TMTC2: variants seen among roughly 807,000 people sequenced by gnomAD.
The protein encoded by TMTC2 is protein O-mannosyl-transferase TMTC2.
TMTC2 carries 43 observed loss-of-function variants against 82.4 expected under a neutral mutation model. The ratio of observed to expected loss-of-function variants is 0.52; its 90% confidence interval spans 0.41 to 0.67. The LOEUF (loss-of-function observed/expected upper bound fraction) is 0.67, where lower values mean the gene tolerates loss of function less well. Ranked by LOEUF, TMTC2 falls within the 30% of genes least tolerant of loss-of-function variation. TMTC2 has a pLI of 0.00. For synonymous variants in TMTC2, 408 were observed against 381.9 expected (o/e 1.07, Z -0.80); for missense variants, 919 against 1,012.4 (o/e 0.91, Z 1.25).
chr12:82,911,989 G>A (rs149261762), intron 3 of TMTC2, among the ~76,000 whole-genome samples: 656 of 152,224 alleles, frequency 4.3e-3, no homozygotes, highest in Admixed American at 7.8e-3. Flanking sequence ...GAACTGTATT[G>A]GAGGTTTTAT....
At chr12:82,846,001 C>T (rs1366326674) in intron 1 of TMTC2, among the ~76,000 whole-genome samples, 4 of 147,264 alleles carry the variant, frequency 2.7e-5, no homozygotes, top group African/African-American at 7.5e-5. Flanking sequence ...ATTGCTTTAT[C>T]GGGGGAACTA....
chr12:82,811,037 C>A (rs1027734689), intron 1 of TMTC2, among the ~76,000 whole-genome samples: 1 of 152,004 alleles, frequency 6.6e-6, no homozygotes, highest in Admixed American at 6.6e-5. Flanking sequence ...CGAGACCATC[C>A]TGGCTAACAC....
chr12:82,815,293 TTTAATTAA>T (rs199636738), intron 1 of TMTC2, among the ~76,000 whole-genome samples: 2 of 150,442 alleles, frequency 1.3e-5, no homozygotes, highest in African/African-American at 4.9e-5. Flanking sequence ...ATTTATTTTT[TTTAATTAA>T]TTAATTAATT....
chr12:83,103,997 C>T (rs1436544448), intron 11 of TMTC2, among the ~76,000 whole-genome samples: 3 of 152,264 alleles, frequency 2.0e-5, no homozygotes, highest in African/African-American at 7.2e-5. Flanking sequence ...AAAGGGACTA[C>T]AGGCCCCATG....
chr12:83,111,856 G>T (rs75699032), intron 11 of TMTC2, among the ~76,000 whole-genome samples: 5,519 of 151,824 alleles, frequency 0.036, 163 homozygotes, highest in Non-Finnish European at 0.054. Flanking sequence ...ATTATAATCA[G>T]AGAACCACAG....
intron 11 of TMTC2, among the ~76,000 whole-genome samples, chr12:83,110,294 C>G (rs1884557349): frequency 6.6e-6 from 1 of 152,300 alleles, no homozygotes; most frequent in East Asian, 1.9e-4. Flanking sequence ...CACTTCCTCT[C>G]TTTCTGTCAC....
At chr12:83,063,264 GTTAT>G (rs1882806131) in intron 11 of TMTC2, among the ~76,000 whole-genome samples, 1 of 148,062 alleles carries the variant, frequency 6.8e-6, no homozygotes, top group Admixed American at 6.8e-5. Context: ...GAGGGAGAAA[GTTAT>G]AAAATAACCC....
At chr12:82,884,467 G>A (rs1363458209) in intron 2 of TMTC2, among the ~76,000 whole-genome samples, 1 of 152,130 alleles carries the variant, frequency 6.6e-6, no homozygotes, top group African/African-American at 2.4e-5. Flanking sequence ...AATTTAGAAG[G>A]TAGCAAGGCA....
chr12:83,068,668 G>A (rs374490349), intron 11 of TMTC2, among the ~76,000 whole-genome samples: 2 of 151,716 alleles, frequency 1.3e-5, no homozygotes, highest in South Asian at 4.2e-4. Context: ...ACTTTGACTG[G>A]TTTTTTCAGT....
intron 1 of TMTC2, among the ~76,000 whole-genome samples, chr12:82,854,038 T>C (rs1011230523): frequency 6.6e-6 from 1 of 152,156 alleles, no homozygotes; most frequent in African/African-American, 2.4e-5. Context: ...GCAGGGTGTT[T>C]TAATTTAATA....
chr12:83,026,731 T>C (rs1252107304), intron 8 of TMTC2, among the ~76,000 whole-genome samples: 1 of 150,872 alleles, frequency 6.6e-6, no homozygotes, highest in African/African-American at 2.5e-5. Flanking sequence ...TGTGTGTGTG[T>C]GTGTGTGTGT....
chr12:82,895,583 TAAG>T (rs952090032), intron 2 of TMTC2, among the ~76,000 whole-genome samples: 10 of 152,072 alleles, frequency 6.6e-5, no homozygotes, highest in African/African-American at 2.4e-4. Context: ...GAGAAAAAAA[TAAG>T]AAAAGATAAT....
chr12:83,118,941 A>C (rs1169698200), intron 11 of TMTC2, among the ~76,000 whole-genome samples: 4 of 152,156 alleles, frequency 2.6e-5, no homozygotes, highest in Non-Finnish European at 4.4e-5. Flanking sequence ...GTTTATGTAC[A>C]TAAACGTGTT....
chr12:82,820,808 C>G (rs894635135), intron 1 of TMTC2, among the ~76,000 whole-genome samples: 56 of 152,180 alleles, frequency 3.7e-4, no homozygotes, highest in African/African-American at 1.3e-3. Context: ...CCAGAAGTCC[C>G]TCATCCATTA....
At chr12:82,888,064 A>G (rs190926164) in intron 2 of TMTC2, among the ~76,000 whole-genome samples, 7 of 152,214 alleles carry the variant, frequency 4.6e-5, no homozygotes, top group Admixed American at 4.6e-4. Context: ...GGGTAACAAG[A>G]GCGAAACTCT....
At chr12:83,028,258 A>G (rs1169129139) in intron 8 of TMTC2, among the ~76,000 whole-genome samples, 1 of 152,180 alleles carries the variant, frequency 6.6e-6, no homozygotes, top group Non-Finnish European at 1.5e-5. Context: ...GTAGTATAAT[A>G]GTTAATTTAC....
intron 1 of TMTC2, among the ~76,000 whole-genome samples, chr12:82,824,856 A>G (rs1333003834): frequency 6.6e-6 from 1 of 152,178 alleles, no homozygotes; most frequent in Admixed American, 6.5e-5. Flanking sequence ...TGGGAGTCCA[A>G]GGCAGGCAGA....
At chr12:82,824,917 C>T (rs113269025) in intron 1 of TMTC2, among the ~76,000 whole-genome samples, 8,475 of 152,016 alleles carry the variant, frequency 0.056, 287 homozygotes, top group Middle Eastern at 0.19. Context: ...GGTGAAACCC[C>T]GTATCTACTA....
intron 11 of TMTC2, among the ~76,000 whole-genome samples, chr12:83,090,281 C>G (rs1883799469): frequency 6.6e-6 from 1 of 152,150 alleles, no homozygotes; most frequent in African/African-American, 2.4e-5. Context: ...AAACCAATTA[C>G]AGTTAGAGAA....
Sources: allele counts gnomAD v4.1 joint callset (sites outside exome capture counted in the v4.1 genomes callset), GRCh38; gene constraint gnomAD v4.1.1; transcripts MANE v1.5; gene names NCBI Gene and HGNC (gene_info 2026-07-23, HGNC 2026-07-21).